Variants in DRC11 observed in about 807,000 individuals in gnomAD.
The protein encoded by DRC11 is dynein regulatory complex subunit 11.
chr2:236,503,803 C>G, the DRC11 span: 1 of 1,055,592 alleles, frequency 9.5e-7, no homozygotes, highest in African/African-American at 1.6e-5. The surrounding 1 kb of genome is among the most constrained non-coding windows in gnomAD (Gnocchi z 4.9). Context: ...CCACGCCAGC[C>G]TGGGGAGCCC....
the DRC11 span, among the ~76,000 whole-genome samples, chr2:236,471,683 C>T: frequency 1.3e-5 from 2 of 152,170 alleles, no homozygotes; most frequent in African/African-American, 2.4e-5. The surrounding 1 kb of genome is among the most constrained non-coding windows in gnomAD (Gnocchi z 4.6). Flanking sequence ...ATGAGCTAGG[C>T]GTTATTACTA....
the DRC11 span, among the ~76,000 whole-genome samples, chr2:236,422,453 T>G: frequency 6.6e-6 from 1 of 152,208 alleles, no homozygotes; most frequent in Non-Finnish European, 1.5e-5. Context: ...CATTCACAAT[T>G]GCTTCAAAGA....
chr2:236,420,430 G>T, the DRC11 span, among the ~76,000 whole-genome samples: 1 of 152,180 alleles, frequency 6.6e-6, no homozygotes, highest in African/African-American at 2.4e-5. The surrounding 1 kb of genome is among the most constrained non-coding windows in gnomAD (Gnocchi z 4.8). Context: ...CAAGTACAAA[G>T]GAATGTAAGG....
the DRC11 span, among the ~76,000 whole-genome samples, chr2:236,394,237 C>T: frequency 6.6e-6 from 1 of 152,158 alleles, no homozygotes; most frequent in African/African-American, 2.4e-5. This position sits in a 1 kb window ranked among gnomAD's most constrained non-coding sequence, Gnocchi z 7.0. Flanking sequence ...GGAATAAGGG[C>T]CCTGGGGCCA....
chr2:236,464,312 G>A, the DRC11 span, among the ~76,000 whole-genome samples: 1 of 152,132 alleles, frequency 6.6e-6, no homozygotes. Context: ...ACCACAGTTG[G>A]CGTCAGAGCA....
chr2:236,323,860 T>C, the DRC11 span, among the ~76,000 whole-genome samples: 1 of 152,274 alleles, frequency 6.6e-6, no homozygotes, highest in Admixed American at 6.5e-5. This position sits in a 1 kb window ranked among gnomAD's most constrained non-coding sequence, Gnocchi z 6.4. Context: ...AAATTTCTCT[T>C]TTGAGCTTTC....
At chr2:236,342,770 T>A in the DRC11 span, among the ~76,000 whole-genome samples, 1 of 152,054 alleles carries the variant, frequency 6.6e-6, no homozygotes, top group Admixed American at 6.5e-5. This position sits in a 1 kb window ranked among gnomAD's most constrained non-coding sequence, Gnocchi z 5.8. Flanking sequence ...CAGCTCTGAG[T>A]CTGGGGTGGC....
chr2:236,325,900 G>A, the DRC11 span, among the ~76,000 whole-genome samples: 1 of 152,188 alleles, frequency 6.6e-6, no homozygotes, highest in Admixed American at 6.5e-5. The surrounding 1 kb of genome is among the most constrained non-coding windows in gnomAD (Gnocchi z 4.4). Flanking sequence ...ACGGTGCGTG[G>A]CTTCATATGT....
chr2:236,506,063 A>G, the DRC11 span, among the ~76,000 whole-genome samples: 855 of 152,306 alleles, frequency 5.6e-3, 10 homozygotes, highest in African/African-American at 0.02. This position sits in a 1 kb window ranked among gnomAD's most constrained non-coding sequence, Gnocchi z 4.9. Flanking sequence ...ACACTGCCAA[A>G]TCAACAGTCA....
the DRC11 span, among the ~76,000 whole-genome samples, chr2:236,402,298 G>C: frequency 6.6e-6 from 1 of 152,232 alleles, no homozygotes; most frequent in Admixed American, 6.5e-5. This position sits in a 1 kb window ranked among gnomAD's most constrained non-coding sequence, Gnocchi z 6.0. Flanking sequence ...AGCTCACTCA[G>C]AGGACACACC....
chr2:236,491,077 CAAG>C, the DRC11 span, among the ~76,000 whole-genome samples: 745 of 111,398 alleles, frequency 6.7e-3, 22 homozygotes, highest in African/African-American at 0.021. Flanking sequence ...GTATATACCC[CAAG>C]AAGAATATAT....
the DRC11 span, among the ~76,000 whole-genome samples, chr2:236,491,229 A>AG: frequency 1.5e-5 from 1 of 67,152 alleles, no homozygotes; most frequent in African/African-American, 7.0e-5. Flanking sequence ...GTATATATAT[A>AG]TATATATATA....
At chr2:236,459,604 TATACG>T in the DRC11 span, among the ~76,000 whole-genome samples, 38 of 134,582 alleles carry the variant, frequency 2.8e-4, no homozygotes, top group African/African-American at 1.0e-3. Flanking sequence ...CGTATACATA[TATACG>T]TATATAAGTA....
chr2:236,465,527 G>A, the DRC11 span: 1,658 of 1,613,936 alleles, frequency 1.0e-3, 14 homozygotes, highest in African/African-American at 0.019. The surrounding 1 kb of genome is among the most constrained non-coding windows in gnomAD (Gnocchi z 6.2). Flanking sequence ...AACCAATGCC[G>A]GATCTGGTCT....
chr2:236,439,792 T>C, the DRC11 span, among the ~76,000 whole-genome samples: 1 of 152,212 alleles, frequency 6.6e-6, no homozygotes, highest in Non-Finnish European at 1.5e-5. Context: ...CTTGACATTT[T>C]TTTCCAACAG....
the DRC11 span, among the ~76,000 whole-genome samples, chr2:236,431,158 A>G: frequency 8.5e-5 from 13 of 152,298 alleles, no homozygotes; most frequent in Admixed American, 2.0e-4. This position sits in a 1 kb window ranked among gnomAD's most constrained non-coding sequence, Gnocchi z 4.2. Flanking sequence ...TATCACCCCA[A>G]TAAGATTCTC....
At chr2:236,457,744 C>G in the DRC11 span, among the ~76,000 whole-genome samples, 1 of 152,282 alleles carries the variant, frequency 6.6e-6, no homozygotes, top group South Asian at 2.1e-4. The surrounding 1 kb of genome is among the most constrained non-coding windows in gnomAD (Gnocchi z 4.7). Flanking sequence ...AAGCAGAGAA[C>G]AGAGCGATGT....
the DRC11 span, among the ~76,000 whole-genome samples, chr2:236,351,423 C>T: frequency 2.6e-5 from 4 of 152,238 alleles, no homozygotes; most frequent in South Asian, 6.2e-4. The surrounding 1 kb of genome is among the most constrained non-coding windows in gnomAD (Gnocchi z 7.3). Flanking sequence ...AAGCACCCTT[C>T]CTGGGCCAGG....
At chr2:236,450,896 CTT>C in the DRC11 span, among the ~76,000 whole-genome samples, 1 of 152,080 alleles carries the variant, frequency 6.6e-6, no homozygotes, top group Non-Finnish European at 1.5e-5. Context: ...ATCCTAATGA[CTT>C]TAACAATTAT....
Sources: allele counts gnomAD v4.1 joint callset (sites outside exome capture counted in the v4.1 genomes callset), GRCh38; gene constraint gnomAD v4.1.1; non-coding constraint Gnocchi (gnomAD v3.1); transcripts MANE v1.5; gene names NCBI Gene and HGNC (gene_info 2026-07-23, HGNC 2026-07-21).